The following DHX29 variants were observed in gnomAD, a reference collection of about 807,000 sequenced individuals.
DHX29 encodes ATP-dependent RNA helicase DHX29.
A neutral mutation model predicts 167.9 loss-of-function variants in DHX29; 79 were observed. The ratio of observed to expected loss-of-function variants is 0.47; its 90% CI spans 0.39 to 0.57. The LOEUF (loss-of-function observed/expected upper bound fraction) is 0.57. DHX29 is among the 20% of genes least tolerant of loss of function. The pLI is 0.00. For missense variants in DHX29, 1,347 were observed against 1,593.4 expected (o/e 0.85, Z 2.63); for synonymous variants, 530 against 546.0 (o/e 0.97, Z 0.41).
chr5:55,256,445 T>G lies in DHX29; in HGVS notation c.*43A>C. 2 of 1,523,706 alleles carry G rather than the reference T, an allele frequency of 1.3e-6. No homozygotes were observed. The highest frequency in any genetic ancestry group is 1.4e-5 in the African/African-American group (1 of 71,028). The allele number at this position is 1,523,706 out of a possible 1,614,324, so 94.4% of individuals were successfully genotyped here. On this transcript the variant is annotated 3_prime_UTR_variant, in exon 27 of 27. Transcript: ENST00000251636. ...ATTTTCAGATAATTTCATGACTGTA[T>G]CTTCATCTTAATTTTTAAAGCAGTT...
At chr5:55,274,192 G>C (rs539647614) in intron 16 of DHX29, among the ~76,000 whole-genome samples, 4 of 151,792 alleles carry the variant, frequency 2.6e-5, no homozygotes, top group Non-Finnish European at 4.4e-5. Context: ...CCAAGAGTTT[G>C]AGGCCAGCCT....
chr5:55,283,064 T>C, intron 11 of DHX29, 139 bp downstream of exon 11: 1 of 860,918 alleles, frequency 1.2e-6, no homozygotes, highest in Non-Finnish European at 1.7e-6. Context: ...AAAGAAAATG[T>C]GAAAAGTGCC....
intron 13 of DHX29, 76 bp from the exon 14 acceptor site, chr5:55,276,482 C>T: frequency 8.7e-7 from 1 of 1,152,430 alleles, no homozygotes; most frequent in Non-Finnish European, 1.2e-6. Context: ...GAACAGGGGA[C>T]ACCACCTTTT....
intron 11 of DHX29, 87 bp downstream of exon 11, chr5:55,283,116 A>G: frequency 6.9e-7 from 1 of 1,440,720 alleles, no homozygotes; most frequent in South Asian, 1.4e-5. Flanking sequence ...GAAAACTCAC[A>G]TATGGTACAC....
intron 10 of DHX29, 98 bp downstream of exon 10, chr5:55,285,195 A>G (rs1747654063): frequency 1.3e-6 from 2 of 1,498,742 alleles, no homozygotes; most frequent in African/African-American, 2.8e-5. Flanking sequence ...AATAATGAGA[A>G]AGGATTAATC....
chr5:55,283,312 T>G lies in DHX29; in HGVS notation c.1856A>C (p.Glu619Ala), dbSNP rs1747533553. ...ACAGACAATGTTACATTTACTTGCTTCCCACTCATTTAGAAGCAAATCTTC... is the reference window on the plus strand; with the variant it reads ...ACAGACAATGTTACATTTACTTGCTGCCCACTCATTTAGAAGCAAATCTTC... Reference protein sequence around the residue: ...LLEDLLLNEWEASKCNIVCTQ... With the variant: ...LLEDLLLNEWAASKCNIVCTQ... The change falls in exon 11 of 27, where the codon GAA becomes GCA. Residue 619 changes from glutamate (E) to alanine (A), a missense_variant. Coordinates refer to ENST00000251636, the MANE Select transcript of DHX29 (RefSeq NM_019030.4). The G allele has an allele frequency of 6.2e-7, 1 of 1,614,056 alleles. No homozygotes were observed.
intron 25 of DHX29, among the ~76,000 whole-genome samples, 198 bp from the exon 26 acceptor site, chr5:55,260,142 C>G (rs1746242517): frequency 6.6e-6 from 1 of 152,204 alleles, no homozygotes; most frequent in African/African-American, 2.4e-5. Context: ...TCTGGTAACT[C>G]TTCCCAAAAT....
At chr5:55,306,251 G>A (rs1179594404) in intron 1 of DHX29, among the ~76,000 whole-genome samples, 1 of 152,102 alleles carries the variant, frequency 6.6e-6, no homozygotes, top group Non-Finnish European at 1.5e-5. Flanking sequence ...ATCCTTTGGC[G>A]ATGCTTTATG....
Position 55,273,296 on chromosome 5 carries a change from C to T in DHX29, c.2772G>A (p.Arg924=). 1 of 1,593,026 alleles carries T rather than the reference C, an allele frequency of 6.3e-7. No individual in the cohort carries two copies. Among genetic ancestry groups the T allele is most frequent in the Non-Finnish European group, 8.6e-7 (1 of 1,167,512 alleles). The change falls in exon 17 of 27, where the codon AGG becomes AGA. Residue 924 remains arginine, a synonymous_variant. Coordinates refer to ENST00000251636, the MANE Select transcript of DHX29 (RefSeq NM_019030.4). The part of the protein sequence containing the change: ...AAFTLPPPGV[R]KIVLATNIAE... ...AATTTGCTGTACTAAATTTTACCTT[C>T]CTGACTCCTGGAGGGGGAAGTGTGA...
Position 55,283,489 on chromosome 5 carries a change from G to A in DHX29, c.1679C>T (p.Pro560Leu). 6.2e-7 allele frequency: 1 copy of A among 1,614,156 alleles called. No individual in the cohort carries two copies. The highest frequency in any genetic ancestry group is 8.5e-7 in the Non-Finnish European group (1 of 1,180,030). The change falls in exon 11 of 27, where the codon CCT becomes CTT. Residue 560 changes from proline (P) to leucine (L), a missense_variant. Coordinates refer to ENST00000251636, the MANE Select transcript of DHX29 (RefSeq NM_019030.4). ...TTCCTTTAGAAGTTTCTGATACTTA[G>A]GTGTGCTTTGCAACTTTCTAAAGAG... is the stretch of plus-strand genomic sequence containing the variant. Reference protein sequence around the residue: ...RNLFRKLQSTPKYQKLLKERQ... With the variant: ...RNLFRKLQSTLKYQKLLKERQ...
chr5:55,274,745 A>G lies in DHX29; in HGVS notation c.2573-14T>C. On this transcript the variant is annotated splice_polypyrimidine_tract_variant and intron_variant, in intron 15 of 26. Coordinates refer to ENST00000251636, the MANE Select transcript of DHX29 (RefSeq NM_019030.4). ...GGGGACTTTTATCTGAAATTTTTAA[A>G]AAGATACAATATTCAAAATAAGAAG... 5 of 1,575,714 alleles carry G rather than the reference A, an allele frequency of 3.2e-6. No individual in the cohort carries two copies. The highest frequency in any genetic ancestry group is 4.3e-6 in the Non-Finnish European group (5 of 1,165,146).
chr5:55,269,359 T>A (rs1746737605), intron 21 of DHX29, 54 bp downstream of exon 21: 1 of 1,559,110 alleles, frequency 6.4e-7, no homozygotes, highest in Admixed American at 1.8e-5. Context: ...AAACTTGTAA[T>A]TTCCTGGTCA....
chr5:55,298,096 T>C (rs1335338023), intron 2 of DHX29, among the ~76,000 whole-genome samples: 2 of 151,906 alleles, frequency 1.3e-5, no homozygotes, highest in Admixed American at 6.6e-5. Context: ...AAAAAAGATA[T>C]ATCAAGTAAT....
intron 6 of DHX29, among the ~76,000 whole-genome samples, chr5:55,293,377 C>T (rs1405434225): frequency 6.6e-6 from 1 of 152,220 alleles, no homozygotes; most frequent in Non-Finnish European, 1.5e-5. Flanking sequence ...TACCATTTTA[C>T]ATTTCCATTA....
Position 55,274,921 on chromosome 5 carries a change from G to A in DHX29, c.2517C>T (p.Tyr839=), listed in dbSNP as rs1176019903. 1.9e-6 allele frequency: 3 copies of A among 1,613,902 alleles called. No homozygotes were observed. The highest frequency in any genetic ancestry group is 2.5e-6 in the Non-Finnish European group (3 of 1,179,914). ...CCAGGTTGATTTTATGAGGATTCATGTATAGAATAGCATGCTGAGTGCGGC... is the reference window on the plus strand; with the variant it reads ...CCAGGTTGATTTTATGAGGATTCATATATAGAATAGCATGCTGAGTGCGGC... ...YSSRTQHAIL[Y]MNPHKINLDL... The change falls in exon 15 of 27, where the codon TAC becomes TAT. Residue 839 remains tyrosine (Y), a synonymous_variant. Transcript: ENST00000251636.
chr5:55,287,515 G>C (rs1747798895), intron 8 of DHX29, among the ~76,000 whole-genome samples: 1 of 151,888 alleles, frequency 6.6e-6, no homozygotes. Flanking sequence ...ATTTAGTGTG[G>C]GACTAAACTA....
At chr5:55,287,511 T>C (rs1469516701) in intron 8 of DHX29, among the ~76,000 whole-genome samples, 2 of 152,160 alleles carry the variant, frequency 1.3e-5, no homozygotes, top group South Asian at 4.1e-4. Context: ...GACAATTTAG[T>C]GTGGGACTAA....
chr5:55,299,095 T>C (rs1304929676), intron 1 of DHX29, among the ~76,000 whole-genome samples: 1 of 152,014 alleles, frequency 6.6e-6, no homozygotes, highest in African/African-American at 2.4e-5. Context: ...TTCAGCTTTT[T>C]TCCCCAATAC....
chr5:55,290,085 A>T, intron 7 of DHX29, 133 bp downstream of exon 7: 1 of 1,069,200 alleles, frequency 9.4e-7, no homozygotes, highest in Non-Finnish European at 1.3e-6. Context: ...TTATTATTTT[A>T]AAAGTTTGCT....
Sources: allele counts gnomAD v4.1 joint callset (sites outside exome capture counted in the v4.1 genomes callset), GRCh38; gene constraint gnomAD v4.1.1; transcripts MANE v1.5; gene names NCBI Gene and HGNC (gene_info 2026-07-23, HGNC 2026-07-21).